The following ANK2 variants were observed in gnomAD, a reference collection of about 807,000 sequenced individuals.
The protein encoded by ANK2 is ankyrin-2.
ANK2 carries 83 observed loss-of-function variants against 360.5 expected under a neutral mutation model. The ratio of observed to expected loss-of-function variants is 0.23; its 90% CI spans 0.19 to 0.28. The LOEUF (loss-of-function observed/expected upper bound fraction) is 0.28. Among genes scored for constraint, ANK2 ranks in the 10% least tolerant of loss-of-function variants. ANK2 has a pLI of 1.00. For missense variants in ANK2, 4,201 were observed against 4,795.7 expected, an observed-to-expected ratio of 0.88 and a Z score of 3.66; for synonymous variants, 1,740 against 1,759.5, an observed-to-expected ratio of 0.99 and a Z score of 0.28.
chr4:112,747,264 C>A, the ANK2 span, among the ~76,000 whole-genome samples: 3 of 152,156 alleles, frequency 2.0e-5, no homozygotes, highest in Non-Finnish European at 4.4e-5. Context: ...TAAGTCCAGG[C>A]CAGTGAGTGG....
At chr4:113,351,558 T>A (rs1451500134) in intron 37 of ANK2, among the ~76,000 whole-genome samples, 1 of 152,172 alleles carries the variant, frequency 6.6e-6, no homozygotes, top group Non-Finnish European at 1.5e-5. Context: ...ATATGACATA[T>A]CACATTGCCC....
At chr4:112,795,900 G>A in the ANK2 span, among the ~76,000 whole-genome samples, 1 of 151,514 alleles carries the variant, frequency 6.6e-6, no homozygotes, top group Non-Finnish European at 1.5e-5. Context: ...CCCAGCTCAG[G>A]TGATCCTTGC....
At chr4:112,898,197 AATT>A (rs937048283) in intron 1 of ANK2, among the ~76,000 whole-genome samples, 2 of 152,164 alleles carry the variant, frequency 1.3e-5, no homozygotes, top group Non-Finnish European at 2.9e-5. Context: ...ATTAATAATA[AATT>A]ATTATTAAAT....
intron 1 of ANK2, among the ~76,000 whole-genome samples, chr4:113,083,766 TA>T (rs2083372228): frequency 6.6e-6 from 1 of 152,216 alleles, no homozygotes; most frequent in Non-Finnish European, 1.5e-5. Flanking sequence ...AGCAAGAATT[TA>T]AAATATTTTA....
At chr4:112,907,932 G>T (rs1465658692) in intron 2 of ANK2, among the ~76,000 whole-genome samples, 1 of 152,130 alleles carries the variant, frequency 6.6e-6, no homozygotes, top group Non-Finnish European at 1.5e-5. Context: ...TATCCTCAAA[G>T]GATAGACATA....
At chr4:112,881,776 A>G in intron 1 of ANK2, 1 of 763,318 alleles carries the variant, frequency 1.3e-6, no homozygotes, top group Non-Finnish European at 2.3e-6. Context: ...AACTGTTCAA[A>G]ATAAACTTTT....
At chr4:113,351,654 C>T (rs1403947976) in intron 37 of ANK2, among the ~76,000 whole-genome samples, 1 of 151,566 alleles carries the variant, frequency 6.6e-6, no homozygotes, top group Non-Finnish European at 1.5e-5. Flanking sequence ...TGGCCTCTTA[C>T]TTTGCTCTCC....
At chr4:112,911,349 C>T (rs1242995737) in intron 2 of ANK2, among the ~76,000 whole-genome samples, 2 of 151,688 alleles carry the variant, frequency 1.3e-5, no homozygotes, top group Admixed American at 6.6e-5. Flanking sequence ...CGGTGAAACC[C>T]CGTCTCTACT....
chr4:113,077,846 C>T (rs1048651846), intron 1 of ANK2, among the ~76,000 whole-genome samples: 1 of 152,198 alleles, frequency 6.6e-6, no homozygotes, highest in East Asian at 1.9e-4. Flanking sequence ...GAAGAGCAGG[C>T]CTGCCCCAGT....
At chr4:112,826,486 C>T in intron 1 of ANK2, 1 of 1,141,922 alleles carries the variant, frequency 8.8e-7, no homozygotes, top group Non-Finnish European at 1.3e-6. Context: ...CCTTTTGTTA[C>T]ATCTACTGGG....
chr4:112,852,763 A>G (rs771776354), intron 1 of ANK2, among the ~76,000 whole-genome samples: 2 of 152,220 alleles, frequency 1.3e-5, no homozygotes, highest in Non-Finnish European at 2.9e-5. Context: ...AAGTGAGAGT[A>G]TTGGAATGGA....
intron 1 of ANK2, among the ~76,000 whole-genome samples, chr4:113,058,791 G>A (rs1271961949): frequency 6.6e-6 from 1 of 152,160 alleles, no homozygotes; most frequent in East Asian, 1.9e-4. Context: ...GTAGTTTAGA[G>A]ATGCCATTAG....
At chr4:113,363,839 C>A (rs1189525557) in intron 40 of ANK2, among the ~76,000 whole-genome samples, 4 of 152,084 alleles carry the variant, frequency 2.6e-5, no homozygotes, top group African/African-American at 9.7e-5. Flanking sequence ...AATGGGATGG[C>A]ATCATCTCCC....
intron 2 of ANK2, among the ~76,000 whole-genome samples, chr4:112,996,320 T>G (rs1306587848): frequency 6.6e-6 from 1 of 152,154 alleles, no homozygotes. Context: ...TTAGGAGTGA[T>G]GAATATATGT....
chr4:113,155,603 TAATA>T (rs1308896003), intron 1 of ANK2, among the ~76,000 whole-genome samples: 2 of 152,094 alleles, frequency 1.3e-5, no homozygotes, highest in Non-Finnish European at 2.9e-5. Context: ...AATTTTTAAT[TAATA>T]AATCTATAAG....
intron 5 of ANK2, among the ~76,000 whole-genome samples, chr4:113,236,337 A>G (rs1221057603): frequency 1.3e-5 from 2 of 152,170 alleles, no homozygotes; most frequent in Non-Finnish European, 2.9e-5. Context: ...TTTAGAATTG[A>G]AAAACAGGTT....
At chr4:113,163,369 G>A (rs892415977) in intron 1 of ANK2, among the ~76,000 whole-genome samples, 8 of 152,180 alleles carry the variant, frequency 5.3e-5, no homozygotes, top group Middle Eastern at 3.4e-3. Flanking sequence ...CACATACTTT[G>A]GAGAATGGGG....
intron 2 of ANK2, among the ~76,000 whole-genome samples, chr4:113,191,768 G>A (rs370570643): frequency 1.1e-3 from 174 of 152,290 alleles, no homozygotes; most frequent in African/African-American, 4.0e-3. Flanking sequence ...ACTATCTGAG[G>A]TAGGCAAAGT....
At chr4:113,283,209 C>T (rs1198879307) in intron 18 of ANK2, among the ~76,000 whole-genome samples, 1 of 152,168 alleles carries the variant, frequency 6.6e-6, no homozygotes, top group East Asian at 1.9e-4. Flanking sequence ...TATAATTGCT[C>T]CAGTGTCTGC....
Sources: gnomAD v4.1 joint callset for allele counts (sites outside exome capture counted in the v4.1 genomes callset) on GRCh38, gnomAD v4.1.1 for gene constraint, MANE v1.5 for transcripts, NCBI Gene and HGNC (gene_info 2026-07-23, HGNC 2026-07-21) for gene names.